AHDC1: variants seen among roughly 807,000 people sequenced by gnomAD.
The protein encoded by AHDC1 is AT-hook DNA binding motif containing 1.
A neutral mutation model predicts 87.9 loss-of-function variants in AHDC1; 7 were observed. That is an observed-to-expected ratio of 0.08 (90% CI 0.05 to 0.15). The LOEUF is 0.15. Ranked by LOEUF, AHDC1 falls within the 10% of genes least tolerant of loss-of-function variation. AHDC1 has a pLI of 1.00. For synonymous variants in AHDC1, 1,051 were observed against 1,006.8 expected (o/e 1.04, Z -0.83); for missense variants, 1,841 against 2,253.2 (o/e 0.82, Z 3.70).
chr1:27,570,238 G>A (rs549304359), intron 3 of AHDC1, among the ~76,000 whole-genome samples: 2 of 152,008 alleles, frequency 1.3e-5, no homozygotes, highest in East Asian at 3.9e-4. Context: ...CGCCCAAGCA[G>A]CTGAAAATGA....
At chr1:27,555,172 G>A (rs1397110332) in intron 5 of AHDC1, among the ~76,000 whole-genome samples, 1 of 152,184 alleles carries the variant, frequency 6.6e-6, no homozygotes, top group South Asian at 2.1e-4. Context: ...GGGGAGCTGT[G>A]TAACATTCCA....
At position 27,549,384 on chromosome 1, in the gene AHDC1, A is replaced by G; in HGVS notation, c.2732T>C (p.Phe911Ser). The G allele has an allele frequency of 6.2e-7, 1 of 1,612,968 alleles. No homozygotes were observed. Among genetic ancestry groups the G allele is most frequent in the Non-Finnish European group, 8.5e-7 (1 of 1,179,834 alleles). ...CTGGCGCGCGGACAGGACAGGCTGA[A>G]AGGAGGGGTCCGCCCCAGCCCCGCT... ...GSSGAGADPSFQPVLSARQTF... is the reference protein window; with the variant it reads ...GSSGAGADPSSQPVLSARQTF... The change falls in exon 8 of 9, where the codon TTT (phenylalanine) becomes TCT (serine). Residue 911 changes from phenylalanine to serine, a missense_variant. Phe to Ser is a radical substitution (Grantham distance 155, BLOSUM62 -2). Around this residue, in one of 13 missense-constraint regions of AHDC1, gnomAD observed 378 missense variants for 399.0 expected, o/e 0.95. Coordinates refer to ENST00000673934, the MANE Select transcript of AHDC1 (RefSeq NM_001371928.1).
chr1:27,537,665 C>T (rs2018705589), intron 8 of AHDC1, among the ~76,000 whole-genome samples: 1 of 152,228 alleles, frequency 6.6e-6, no homozygotes, highest in Non-Finnish European at 1.5e-5. Flanking sequence ...GGTACTGCTG[C>T]ACACCCAGGG....
rs2148269805 is a variant in AHDC1, at chr1:27,548,877, G to A, written c.3239C>T (p.Ser1080Phe). 1.2e-6 allele frequency: 2 copies of A among 1,609,562 alleles called. No homozygotes were observed. Among genetic ancestry groups the A allele is most frequent in the Non-Finnish European group, 8.5e-7 (1 of 1,177,408 alleles). ...GGAGGAGGAGGCGGCAGAGGCTGCA[G>A]AGGTGGCAGAGGCTGTGGTGCCCTT... ...VPKGTTASATSAASAASSSSS... is the reference protein window; with the variant it reads ...VPKGTTASATFAASAASSSSS... The change falls in exon 8 of 9, where the codon TCT (serine) becomes TTT (phenylalanine). Residue 1080 changes from serine (S) to phenylalanine (F), a missense_variant. Ser to Phe is a radical substitution (Grantham distance 155). Transcript: ENST00000673934.
chr1:27,588,949 T>A (rs568126809), intron 3 of AHDC1, among the ~76,000 whole-genome samples: 17 of 151,380 alleles, frequency 1.1e-4, no homozygotes, highest in African/African-American at 3.2e-4. Context: ...GGTGAGTGAG[T>A]GAGAAACTAT....
In AHDC1 at chr1:27,549,366, G is replaced by T; in HGVS notation, c.2750C>A (p.Ala917Glu). ...TCGTCCTGGTGGGAAGGTCTGGCGC[G>T]CGGACAGGACAGGCTGAAAGGAGGG... Reference protein sequence around the residue: ...ADPSFQPVLSARQTFPPGRAA... With the variant: ...ADPSFQPVLSERQTFPPGRAA... Residue 917 changes from alanine (A) to glutamate (E), a missense_variant, in exon 8 of 9, where the codon GCG (alanine) becomes GAG (glutamate). Transcript: ENST00000673934. 6.2e-7 allele frequency: 1 copy of T among 1,612,972 alleles called. No homozygotes were observed.
Position 27,548,569 on chromosome 1 carries a change from G to C in AHDC1, c.3547C>G (p.Arg1183Gly), listed in dbSNP as rs923632705. 5 of 1,613,482 alleles carry C rather than the reference G, an allele frequency of 3.1e-6. No individual in the cohort carries two copies. The highest frequency in any genetic ancestry group is 1.1e-5 in the South Asian group (1 of 91,082). Residue 1183 changes from arginine (R) to glycine (G), a missense_variant, in exon 8 of 9, where the codon CGG becomes GGG. By Grantham distance (125) the Arg-to-Gly change is moderately radical (BLOSUM62 -2). This residue lies in a region of AHDC1 where 505 missense variants were observed against 626.2 expected (regional missense o/e 0.81). Transcript: ENST00000673934. ...CTTGAGGCCTCGCTGTTGGCACGCC[G>C]AAACCCCCCGCCACCAACCGGCTGA... ...FNQPVGGGGF[R>G]RANSEASSSE...
intron 5 of AHDC1, among the ~76,000 whole-genome samples, chr1:27,554,151 C>T (rs891619158): frequency 6.6e-6 from 1 of 152,184 alleles, no homozygotes; most frequent in Non-Finnish European, 1.5e-5. Flanking sequence ...TGCCTTTTCC[C>T]TTGAGGCTCT....
rs2020174250 is a variant in AHDC1, at chr1:27,563,195, C to A, written c.-628-4312G>T. 6.6e-6 allele frequency among the ~76,000 whole-genome samples: 1 copy of A among 150,970 alleles called. No homozygotes were observed. The highest frequency in any genetic ancestry group is 1.5e-5 in the Non-Finnish European group (1 of 67,686). ...TAGTTGACCAAGACACACACACATG[C>A]ACACACACACAGAACCTGTCACACA... On this transcript the variant is annotated intron_variant, in intron 3 of 8. Transcript: ENST00000673934. This position sits in a 1 kb window ranked among gnomAD's most constrained non-coding sequence, Gnocchi z 6.1.
chr1:27,565,973 C>T lies in AHDC1; in HGVS notation c.-628-7090G>A, dbSNP rs1433943425. ...TCCATTTCAGGTTCAACCACATAAG[C>T]CCAGTGGGGCTTCCAGGACATCTGG... On this transcript the variant is annotated intron_variant, in intron 3 of 8. Transcript: ENST00000673934. The surrounding 1 kb of genome is among the most constrained non-coding windows in gnomAD (Gnocchi z 4.6). Among the ~76,000 whole-genome samples, 1 of 152,138 alleles carries T rather than the reference C, an allele frequency of 6.6e-6. No homozygotes were observed. Among genetic ancestry groups the T allele is most frequent in the Non-Finnish European group, 1.5e-5 (1 of 68,022 alleles).
chr1:27,549,688 C>T lies in AHDC1; in HGVS notation c.2428G>A (p.Ala810Thr), dbSNP rs778905709. 1.9e-6 allele frequency: 3 copies of T among 1,613,088 alleles called. No homozygotes were observed. Among genetic ancestry groups the T allele is most frequent in the South Asian group, 2.2e-5 (2 of 91,074 alleles). Residue 810 changes from alanine (A) to threonine (T), a missense_variant, in exon 8 of 9, where the codon GCC becomes ACC. Physicochemically the swap from Ala to Thr is moderately conservative, Grantham distance 58. Coordinates refer to ENST00000673934, the MANE Select transcript of AHDC1 (RefSeq NM_001371928.1). ...CTGTAGTAGCTGCCACGGCCTGAGGCTCCACTCTCCAGCCCAGTGGAGGCA... is the reference window on the plus strand; with the variant it reads ...CTGTAGTAGCTGCCACGGCCTGAGGTTCCACTCTCCAGCCCAGTGGAGGCA... ...AFASTGLESG[A>T]SGRGSYYSTG...
chr1:27,594,611 C>T (rs1470786654), intron 3 of AHDC1, among the ~76,000 whole-genome samples: 2 of 152,146 alleles, frequency 1.3e-5, no homozygotes, highest in Non-Finnish European at 2.9e-5. Context: ...AATGAAAGGC[C>T]TGGGGCGGTG....
chr1:27,567,068 G>C (rs1048633987), intron 3 of AHDC1, among the ~76,000 whole-genome samples: 3 of 152,084 alleles, frequency 2.0e-5, no homozygotes, highest in Admixed American at 6.5e-5. Flanking sequence ...GCTGTGGAGG[G>C]TGCACTGCTC....
At chr1:27,576,620 T>C (rs1025021519) in intron 3 of AHDC1, among the ~76,000 whole-genome samples, 2 of 152,194 alleles carry the variant, frequency 1.3e-5, no homozygotes, top group African/African-American at 4.8e-5. Flanking sequence ...CCAGAACCCG[T>C]TAACCACTGA....
intron 8 of AHDC1, among the ~76,000 whole-genome samples, chr1:27,541,625 G>A (rs899240596): frequency 6.9e-6 from 1 of 144,942 alleles, no homozygotes; most frequent in African/African-American, 2.6e-5. Context: ...GGCCCATGTG[G>A]AGGTTTTTTT....
intron 3 of AHDC1, among the ~76,000 whole-genome samples, chr1:27,566,530 GAGAC>G (rs921651644): frequency 1.3e-5 from 2 of 151,852 alleles, no homozygotes; most frequent in Non-Finnish European, 2.9e-5. Flanking sequence ...CCGGGAGCTG[GAGAC>G]AGACAGAGGG....
At chr1:27,599,637 A>T (rs992649457) in intron 3 of AHDC1, among the ~76,000 whole-genome samples, 1 of 152,152 alleles carries the variant, frequency 6.6e-6, no homozygotes, top group African/African-American at 2.4e-5. Context: ...GGGGCGTCCA[A>T]CTGGATGATG....
At chr1:27,572,443 C>A (rs1461833486) in intron 3 of AHDC1, among the ~76,000 whole-genome samples, 4 of 152,144 alleles carry the variant, frequency 2.6e-5, no homozygotes, top group Non-Finnish European at 5.9e-5. Flanking sequence ...CCAGTACAAC[C>A]TGACATCTGA....
Position 27,551,828 on chromosome 1 carries a change from GCGGGCCTGTGAGACAGGA to G in AHDC1, c.270_287del (p.Pro91_Arg96del). 6.2e-7 allele frequency: 1 copy of G among 1,611,890 alleles called. No individual in the cohort carries two copies. Among genetic ancestry groups the G allele is most frequent in the Non-Finnish European group, 8.5e-7 (1 of 1,179,736 alleles). On this transcript the variant is annotated inframe_deletion, in exon 8 of 9. Transcript: ENST00000673934. ...TGCCGTCTCCGACCGGTGTGGGGCA[GCGGGCCTGTGAGACAGGA>G]CGGGCTGCCCGTGGGGGCAGCGGGT...
Sources: allele counts gnomAD v4.1 joint callset (sites outside exome capture counted in the v4.1 genomes callset), GRCh38; gene constraint gnomAD v4.1.1; regional missense constraint gnomAD v4.1.1; non-coding constraint Gnocchi (gnomAD v3.1); transcripts MANE v1.5; gene names NCBI Gene and HGNC (gene_info 2026-07-23, HGNC 2026-07-21).